ZNF276: variants seen among roughly 807,000 people sequenced by gnomAD.
ZNF276 encodes zinc finger protein 276.
A neutral mutation model predicts 63.9 loss-of-function variants in ZNF276; 59 were observed. The ratio of observed to expected loss-of-function variants is 0.92; its 90% CI spans 0.75 to 1.15. The LOEUF is 1.15. ZNF276 is among the 50% of genes most tolerant of loss of function. ZNF276 has a pLI of 0.00. For synonymous variants in ZNF276, 496 were observed against 348.4 expected, an observed-to-expected ratio of 1.42 and a Z score of -4.72; for missense variants, 1,084 against 843.8, an observed-to-expected ratio of 1.28 and a Z score of -3.53.
intron 6 of ZNF276, among the ~76,000 whole-genome samples, chr16:89,730,837 T>C (rs1340079980): frequency 1.3e-5 from 2 of 152,160 alleles, no homozygotes; most frequent in East Asian, 3.9e-4. Flanking sequence ...ACCCTGACCT[T>C]GGAGTTCTAG....
chr16:89,732,951 TCTG>T (rs1240388424), intron 6 of ZNF276: 2 of 344,200 alleles, frequency 5.8e-6, no homozygotes, highest in Non-Finnish European at 1.1e-5. Flanking sequence ...GCCCTCATCC[TCTG>T]CTGTGCCCTC....
intron 9 of ZNF276, among the ~76,000 whole-genome samples, chr16:89,735,734 G>A (rs1406906173): frequency 2.0e-5 from 3 of 152,044 alleles, no homozygotes; most frequent in Non-Finnish European, 4.4e-5. Flanking sequence ...TTTATTGATG[G>A]AAACAGTCTC....
chr16:89,734,043 G>T lies in ZNF276; in HGVS notation c.1474+5G>T. On this transcript the variant is annotated splice_donor_5th_base_variant and intron_variant, in intron 9 of 10. Transcript: ENST00000443381. ...ACGTGAAGCTCATCCACACAGGTAC[G>T]CCTATCGCCAGTGTCGCCCACGCGG... The T allele has an allele frequency of 6.2e-7, 1 of 1,613,038 alleles. No individual in the cohort carries two copies.
rs1232415717 is a variant in ZNF276, at chr16:89,740,030, T to C, written c.*1784T>C. The C allele has an allele frequency of 6.2e-7, 1 of 1,614,186 alleles. No individual in the cohort carries two copies. The highest frequency in any genetic ancestry group is 8.5e-7 in the Non-Finnish European group (1 of 1,180,022). ...AACTGAAAGAGTGCCAGCCAGGATATCTTCCTCTTCTCTAAACACTCGAGG... is the reference window on the plus strand; with the variant it reads ...AACTGAAAGAGTGCCAGCCAGGATACCTTCCTCTTCTCTAAACACTCGAGG... On this transcript the variant is annotated 3_prime_UTR_variant, in exon 11 of 11. Coordinates refer to ENST00000443381, the MANE Select transcript of ZNF276 (RefSeq NM_001113525.2).
At chr16:89,730,641 AAAAG>A (rs1010479053) in intron 6 of ZNF276, among the ~76,000 whole-genome samples, 6 of 152,120 alleles carry the variant, frequency 3.9e-5, no homozygotes, top group Non-Finnish European at 5.9e-5. Context: ...GGTCTCTAAT[AAAAG>A]GGGTGACTTC....
chr16:89,724,907 C>T (rs537313947), intron 4 of ZNF276, among the ~76,000 whole-genome samples: 26 of 152,220 alleles, frequency 1.7e-4, no homozygotes, highest in African/African-American at 3.1e-4. Flanking sequence ...TACTTATCTA[C>T]CTATTTATCT....
chr16:89,737,762 T>G, intron 9 of ZNF276, 44 bp from the exon 10 acceptor site: 1 of 1,610,268 alleles, frequency 6.2e-7, no homozygotes, highest in East Asian at 2.2e-5. Context: ...CCCCGGGAGG[T>G]TGGAGCATCA....
chr16:89,733,189 C>T, intron 6 of ZNF276, 113 bp from the exon 7 acceptor site: 1 of 1,015,178 alleles, frequency 9.9e-7, no homozygotes, highest in South Asian at 1.5e-5. Flanking sequence ...TCAGTCAGCA[C>T]AGAAGCAACT....
At chr16:89,731,357 G>A (rs2061644598) in intron 6 of ZNF276, among the ~76,000 whole-genome samples, 2 of 152,190 alleles carry the variant, frequency 1.3e-5, no homozygotes, top group East Asian at 1.9e-4. Flanking sequence ...GAGTTCAAGT[G>A]ATTCTCCTGC....
chr16:89,740,042 C>G lies in ZNF276; in HGVS notation c.*1796C>G. 1.2e-6 allele frequency: 2 copies of G among 1,614,208 alleles called. No homozygotes were observed. The highest frequency in any genetic ancestry group is 1.6e-4 in the Middle Eastern group (1 of 6,062). On this transcript the variant is annotated 3_prime_UTR_variant, in exon 11 of 11. Coordinates refer to ENST00000443381, the MANE Select transcript of ZNF276 (RefSeq NM_001113525.2). ...GCCAGCCAGGATATCTTCCTCTTCT[C>G]TAAACACTCGAGGATTGCTGCACAA... is the stretch of plus-strand genomic sequence containing the variant.
At chr16:89,737,653 C>G (rs554604608) in intron 9 of ZNF276, 153 bp from the exon 10 acceptor site, 11 of 1,423,022 alleles carry the variant, frequency 7.7e-6, no homozygotes, top group Middle Eastern at 2.0e-4. Context: ...TCTTAATAAA[C>G]GAGGCCCTCA....
In ZNF276 at chr16:89,739,018, A is replaced by C. The variant is rs769897335; in HGVS notation, c.*772A>C. The C allele has an allele frequency of 1.9e-6, 3 of 1,614,078 alleles. No individual in the cohort carries two copies. The highest frequency in any genetic ancestry group is 3.3e-5 in the Admixed American group (2 of 60,026). ...AACTCACAGGTTAGAAGACATACAG[A>C]AACAGGGCTGGTGTGTCCCCCATAG... On this transcript the variant is annotated 3_prime_UTR_variant, in exon 11 of 11. Coordinates refer to ENST00000443381, the MANE Select transcript of ZNF276 (RefSeq NM_001113525.2).
chr16:89,721,088 C>A (rs1025969751), upstream of ZNF276: 3 of 346,756 alleles, frequency 8.7e-6, no homozygotes, highest in South Asian at 3.8e-4. Context: ...AGCCGGGCCT[C>A]TTCGCCGTCT....
rs2062100417 is a variant in ZNF276, at chr16:89,740,416, G to A, written c.*2170G>A. 2 of 468,340 alleles carry A rather than the reference G, an allele frequency of 4.3e-6. No homozygotes were observed. The highest frequency in any genetic ancestry group is 3.5e-5 in the Admixed American group (1 of 28,948). 29.0% of individuals were successfully genotyped at this position (468,340 alleles called of 1,614,324 possible). On this transcript the variant is annotated 3_prime_UTR_variant, in exon 11 of 11. Coordinates refer to ENST00000443381, the MANE Select transcript of ZNF276 (RefSeq NM_001113525.2). ...ACACTTTGGGAGGCCGAGGTCGGCG[G>A]ATCACTGAGGCCAGTTCAAGACCAG...
intron 2 of ZNF276, 93 bp from the exon 3 acceptor site, chr16:89,723,044 G>C: frequency 6.2e-7 from 1 of 1,608,820 alleles, no homozygotes; most frequent in Non-Finnish European, 8.5e-7. Context: ...TATGGGGACC[G>C]CTGAGGTTTG....
chr16:89,722,515 C>G lies in ZNF276; in HGVS notation c.206-16C>G. The G allele has an allele frequency of 6.3e-7, 1 of 1,597,340 alleles. No homozygotes were observed. The highest frequency in any genetic ancestry group is 8.5e-7 in the Non-Finnish European group (1 of 1,170,266). The stretch of plus-strand genomic sequence containing the variant: ...CTCCTTTGCCAGCTGCTAACACTTC[C>G]TGCCGCTCTGTGCAGGAGCAGGCCG... On this transcript the variant is annotated splice_polypyrimidine_tract_variant and intron_variant, in intron 1 of 10. Transcript: ENST00000443381.
chr16:89,734,763 G>C (rs28413533), intron 9 of ZNF276, among the ~76,000 whole-genome samples: 4,148 of 152,200 alleles, frequency 0.027, 204 homozygotes, highest in African/African-American at 0.095. Flanking sequence ...GAGGCGGATG[G>C]GGGAATTATG....
Position 89,740,626 on chromosome 16 carries a change from AC to A in ZNF276, c.*2385del, listed in dbSNP as rs1247287264. Reference sequence around the variant, plus strand: ...ACTCCAGCCTGGGTGACAGAGTGAGACCCCCATCTCAAAAAAAAAAAAAAAA... The same window carrying A: ...ACTCCAGCCTGGGTGACAGAGTGAGACCCCATCTCAAAAAAAAAAAAAAAA... On this transcript the variant is annotated 3_prime_UTR_variant, in exon 11 of 11. Coordinates refer to ENST00000443381, the MANE Select transcript of ZNF276 (RefSeq NM_001113525.2). 5 of 570,108 alleles carry A rather than the reference AC, an allele frequency of 8.8e-6. No homozygotes were observed. The East Asian group carries it at 9.0e-5, about 10-fold the overall frequency. The allele number at this position is 570,108 out of a possible 1,614,324, so 35.3% of individuals were successfully genotyped here.
chr16:89,724,700 G>A (rs188367173), intron 4 of ZNF276, among the ~76,000 whole-genome samples: 22 of 152,314 alleles, frequency 1.4e-4, no homozygotes, highest in Non-Finnish European at 2.8e-4. Context: ...GCACAGATGA[G>A]ACAGTGCGGC....
Sources: allele counts gnomAD v4.1 joint callset (sites outside exome capture counted in the v4.1 genomes callset), GRCh38; gene constraint gnomAD v4.1.1; transcripts MANE v1.5; gene names NCBI Gene and HGNC (gene_info 2026-07-23, HGNC 2026-07-21).